Variants in GALNTL5 observed in about 807,000 individuals in gnomAD.
The protein encoded by GALNTL5 is inactive polypeptide N-acetylgalactosaminyltransferase-like protein 5.
GALNTL5 carries 44 observed loss-of-function variants against 51.0 expected under a neutral mutation model. The ratio of observed to expected loss-of-function variants is 0.86; its 90% CI spans 0.68 to 1.11. GALNTL5 has a LOEUF of 1.11. Ranked by LOEUF, GALNTL5 falls within the 50% of genes least tolerant of loss-of-function variation. The probability of loss-of-function intolerance (pLI) is 0.00; values close to 1 mark genes in which losing one functional copy is unlikely to be tolerated. For missense variants in GALNTL5, 528 were observed against 531.8 expected (o/e 0.99, Z 0.07); for synonymous variants, 192 against 182.8 (o/e 1.05, Z -0.41).
At chr7:151,968,850 T>C (rs535083514) in intron 2 of GALNTL5, among the ~76,000 whole-genome samples, 3 of 152,328 alleles carry the variant, frequency 2.0e-5, no homozygotes, top group Non-Finnish European at 4.4e-5. Context: ...ACTTTGGTCT[T>C]AATTTGTATT....
At chr7:152,017,303 T>C (rs6947736) in intron 8 of GALNTL5, among the ~76,000 whole-genome samples, 2,020 of 152,216 alleles carry the variant, frequency 0.013, 51 homozygotes, top group African/African-American at 0.046. Flanking sequence ...TGTAACACAA[T>C]GGTAAGTATT....
chr7:151,986,671 G>C (rs535956645), intron 4 of GALNTL5, among the ~76,000 whole-genome samples: 1 of 151,212 alleles, frequency 6.6e-6, no homozygotes, highest in Non-Finnish European at 1.5e-5. Flanking sequence ...ATTTACAGTT[G>C]ATTTTGATAA....
rs1187424964 is a variant in GALNTL5 at position 152,005,677 on chromosome 7, T to C, written c.909-2150T>C. Among the ~76,000 whole-genome samples the C allele has an allele frequency of 3.3e-5, 5 of 152,104 alleles. No individual in the cohort carries two copies. In the East Asian group the frequency reaches 5.8e-4, roughly 18 times the overall value. ...TCTGGTTTTGGAAAAATATAGAATA[T>C]GTATATTGAGACCCAGGGGGAAAAA... On this transcript the variant is annotated intron_variant, in intron 6 of 8. Coordinates refer to ENST00000392800, the MANE Select transcript of GALNTL5 (RefSeq NM_145292.4).
chr7:151,983,858 T>G (rs947606267), intron 4 of GALNTL5, among the ~76,000 whole-genome samples: 9 of 152,180 alleles, frequency 5.9e-5, no homozygotes, highest in Admixed American at 5.9e-4. Context: ...CTACCATATT[T>G]TATGTAGTCT....
chr7:151,977,883 C>A (rs2081227389), intron 3 of GALNTL5, among the ~76,000 whole-genome samples: 1 of 152,152 alleles, frequency 6.6e-6, no homozygotes, highest in African/African-American at 2.4e-5. Context: ...TAATTACTAT[C>A]ATCTCCGCTA....
chr7:151,997,253 A>G (rs1470859347), intron 5 of GALNTL5, among the ~76,000 whole-genome samples: 1 of 152,234 alleles, frequency 6.6e-6, no homozygotes, highest in Non-Finnish European at 1.5e-5. Flanking sequence ...CACAAGCACT[A>G]AAGAGAATCT....
At chr7:151,992,613 A>G (rs58783098) in intron 5 of GALNTL5, among the ~76,000 whole-genome samples, 2,216 of 152,214 alleles carry the variant, frequency 0.015, 47 homozygotes, top group African/African-American at 0.051. Flanking sequence ...GTCACATTGA[A>G]TGAAGGGCTC....
chr7:152,010,903 A>C (rs1248761404), intron 7 of GALNTL5, among the ~76,000 whole-genome samples: 1 of 152,224 alleles, frequency 6.6e-6, no homozygotes, highest in African/African-American at 2.4e-5. Flanking sequence ...CTGACATTTA[A>C]GATACATGTA....
At chr7:151,962,004 C>CT (rs5888458) in intron 1 of GALNTL5, among the ~76,000 whole-genome samples, 85,821 of 131,578 alleles carry the variant, frequency 0.65, 29,087 homozygotes, top group Middle Eastern at 0.81. Flanking sequence ...TAGTTACCTT[C>CT]TTTTTTTTTT....
chr7:152,000,308 A>C (rs1029504915), intron 5 of GALNTL5, among the ~76,000 whole-genome samples: 19 of 152,240 alleles, frequency 1.2e-4, no homozygotes, highest in Admixed American at 1.2e-3. Context: ...GAGACAGAAC[A>C]CAGGATCTTA....
Position 151,967,356 on chromosome 7 carries a change from A to AGAAAAGCC in GALNTL5, c.111_118dup (p.Gln40ArgfsTer32). On this transcript the variant is annotated frameshift_variant, in exon 2 of 9. Coordinates refer to ENST00000392800, the MANE Select transcript of GALNTL5 (RefSeq NM_145292.4). LOFTEE classifies it high-confidence loss of function. Reference sequence around the variant, plus strand: ...CATAATCATGTGAGCAGCTGGCAGAAGAAAAGCCAGGAGCCTCTGTCAGCT... The same window carrying AGAAAAGCC: ...CATAATCATGTGAGCAGCTGGCAGAAGAAAAGCCGAAAAGCCAGGAGCCTCTGTCAGCT... The AGAAAAGCC allele has an allele frequency of 1.2e-6, 2 of 1,614,178 alleles. No homozygotes were observed. Among genetic ancestry groups the AGAAAAGCC allele is most frequent in the Non-Finnish European group, 1.7e-6 (2 of 1,180,014 alleles).
In GALNTL5 at chr7:151,967,485, C is replaced by T; in HGVS notation, c.239C>T (p.Ser80Phe). The change falls in exon 2 of 9, where the codon TCT becomes TTT. Residue 80 changes from serine (S) to phenylalanine (F), a missense_variant. Transcript: ENST00000392800. ...AGGACTGATGAAGATAAAGCAAAGT[C>T]TATGTTAGGTAAGTATTTGGATTTT... The part of the protein sequence containing the change: ...VKRTDEDKAK[S>F]MLGTDFNHTN... 6.2e-7 allele frequency: 1 copy of T among 1,612,128 alleles called. No homozygotes were observed. The highest frequency in any genetic ancestry group is 8.5e-7 in the Non-Finnish European group (1 of 1,178,876).
At chr7:152,018,000 A>G (rs1480574991) in intron 8 of GALNTL5, among the ~76,000 whole-genome samples, 1 of 152,112 alleles carries the variant, frequency 6.6e-6, no homozygotes, top group Non-Finnish European at 1.5e-5. Context: ...GCATGCCACC[A>G]CACCCAGCTC....
intron 8 of GALNTL5, 56 bp from the exon 9 acceptor site, chr7:152,019,590 G>C (rs2081863463): frequency 1.3e-6 from 2 of 1,506,662 alleles, no homozygotes; most frequent in Admixed American, 3.7e-5. Context: ...ATAATCATTT[G>C]ATCAGCAAAG....
intron 1 of GALNTL5, among the ~76,000 whole-genome samples, chr7:151,962,860 C>T (rs1332325093): frequency 2.0e-5 from 3 of 152,122 alleles, no homozygotes; most frequent in Non-Finnish European, 2.9e-5. Context: ...CCACCCACCT[C>T]GGCCTCCCAA....
intron 1 of GALNTL5, among the ~76,000 whole-genome samples, 199 bp downstream of exon 1, chr7:151,956,808 G>C (rs1169623474): frequency 6.6e-6 from 1 of 152,016 alleles, no homozygotes; most frequent in Non-Finnish European, 1.5e-5. Flanking sequence ...CCCTAAACGT[G>C]GACTGGGCAT....
intron 4 of GALNTL5, 44 bp from the exon 5 acceptor site, chr7:151,987,115 A>G (rs1303945857): frequency 2.7e-6 from 4 of 1,500,552 alleles, no homozygotes; most frequent in Non-Finnish European, 3.6e-6. Flanking sequence ...TTCAATTTCT[A>G]TAGTTGCCGT....
At chr7:151,980,268 G>T (rs1238928067) in intron 3 of GALNTL5, among the ~76,000 whole-genome samples, 1 of 152,138 alleles carries the variant, frequency 6.6e-6, no homozygotes, top group African/African-American at 2.4e-5. Flanking sequence ...ATTTTTAATA[G>T]AGAAGGGGTT....
chr7:151,957,548 CA>C (rs3037148), intron 1 of GALNTL5, among the ~76,000 whole-genome samples: 77 of 111,148 alleles, frequency 6.9e-4, no homozygotes, highest in East Asian at 3.4e-3. Flanking sequence ...GACCCTGTCT[CA>C]AAAAAAAAAA....
Sources: allele counts gnomAD v4.1 joint callset (sites outside exome capture counted in the v4.1 genomes callset), GRCh38; gene constraint gnomAD v4.1.1; transcripts MANE v1.5; gene names NCBI Gene and HGNC (gene_info 2026-07-23, HGNC 2026-07-21).